Variants in SOS1 observed in about 807,000 individuals in gnomAD.
SOS1 encodes SOS Ras/Rac guanine nucleotide exchange factor 1, also known as son of sevenless homolog 1.
Under a neutral mutation model 157.6 loss-of-function variants are expected in SOS1, and 25 were observed. That is an observed-to-expected ratio of 0.16 (90% CI 0.12 to 0.22). The LOEUF is 0.22. SOS1 is among the 10% of genes least tolerant of loss of function. The probability of loss-of-function intolerance (pLI) is 1.00; values close to 1 mark genes in which losing one functional copy is unlikely to be tolerated. For synonymous variants in SOS1, 528 were observed against 534.0 expected, an observed-to-expected ratio of 0.99 and a Z score of 0.16; for missense variants, 1,237 against 1,599.1, an observed-to-expected ratio of 0.77 and a Z score of 3.86.
intron 1 of SOS1, among the ~76,000 whole-genome samples, chr2:39,077,320 CAAAAA>C (rs11362922): frequency 1.4e-5 from 2 of 138,490 alleles, no homozygotes. Context: ...ACTCCTTCTC[CAAAAA>C]AAAAAAAAAG....
Position 39,105,385 on chromosome 2 carries a change from G to A in SOS1, c.87+14951C>T, listed in dbSNP as rs141600982. 1.3e-3 allele frequency among the ~76,000 whole-genome samples: 204 copies of A among 151,602 alleles called. 1 individual carries two copies. The highest frequency in any genetic ancestry group is 4.5e-3 in the African/African-American group (186 of 41,328). ...AGCTGGTACAGCATCCTAAAGTGCT[G>A]GGATTACAGCTGTGAGGCACCAAGG... is the stretch of plus-strand genomic sequence containing the variant. On this transcript the variant is annotated intron_variant, in intron 1 of 22. Coordinates refer to ENST00000402219, the MANE Select transcript of SOS1 (RefSeq NM_005633.4).
intron 6 of SOS1, among the ~76,000 whole-genome samples, chr2:39,044,864 G>GCGCGCA (rs147443441): frequency 0.016 from 2,394 of 147,720 alleles, 34 homozygotes; most frequent in Non-Finnish European, 0.027. Context: ...GCGCGCGCGC[G>GCGCGCA]CACACACACA....
At chr2:38,986,445 A>G (rs1041080010) in intron 22 of SOS1, 130 bp from the exon 23 acceptor site, 17 of 910,402 alleles carry the variant, frequency 1.9e-5, no homozygotes, top group African/African-American at 1.5e-4. Flanking sequence ...GAGTTTTGCC[A>G]TATGTTTTCT....
chr2:39,123,945 G>A (rs551767007), upstream of SOS1, among the ~76,000 whole-genome samples: 10 of 152,324 alleles, frequency 6.6e-5, no homozygotes, highest in African/African-American at 2.2e-4. Flanking sequence ...AGGAAAACAA[G>A]CCCTAGAAAC....
At chr2:39,094,425 A>C (rs1186878019) in intron 1 of SOS1, among the ~76,000 whole-genome samples, 2 of 152,104 alleles carry the variant, frequency 1.3e-5, no homozygotes, top group Non-Finnish European at 2.9e-5. Flanking sequence ...AGGCAGGTGG[A>C]TCACGAGGTC....
rs897426757 is a variant in SOS1 at position 39,106,198 on chromosome 2, C to T, written c.87+14138G>A. On this transcript the variant is annotated intron_variant, in intron 1 of 22. Transcript: ENST00000402219. ...CTGTGCTACTGTACACACACACACA[C>T]ACACACACACACACAAATCAGCATG... 9.9e-5 allele frequency among the ~76,000 whole-genome samples: 15 copies of T among 151,920 alleles called. No individual in the cohort carries two copies. The East Asian group carries it at 2.9e-3, about 29-fold the overall frequency.
intron 5 of SOS1, among the ~76,000 whole-genome samples, chr2:39,052,486 C>A (rs1671054569): frequency 6.6e-6 from 1 of 152,136 alleles, no homozygotes; most frequent in Admixed American, 6.5e-5. Context: ...GCCTCACTCC[C>A]AGGAAACCTG....
Position 39,120,802 on chromosome 2 carries a change from TG to T in SOS1, c.-381del, listed in dbSNP as rs898389665. Among the ~76,000 whole-genome samples, 1 of 149,190 alleles carries T rather than the reference TG, an allele frequency of 6.7e-6. No individual in the cohort carries two copies. Among genetic ancestry groups the T allele is most frequent in the African/African-American group, 2.5e-5 (1 of 40,724 alleles). ...GCCCGGTCTGGCCCCGCGGCGGAGC[TG>T]GCGGCTGGGGGAGGACGTGTGGAGG... On this transcript the variant is annotated 5_prime_UTR_variant, in exon 1 of 23. Transcript: ENST00000402219.
intron 1 of SOS1, among the ~76,000 whole-genome samples, chr2:39,088,225 A>T (rs951055162): frequency 9.3e-6 from 1 of 107,356 alleles, no homozygotes; most frequent in Admixed American, 9.6e-5. Context: ...TAAACTGAAA[A>T]GCTTTTTTCT....
chr2:39,076,908 G>A (rs944284986), intron 1 of SOS1, among the ~76,000 whole-genome samples: 1 of 152,126 alleles, frequency 6.6e-6, no homozygotes, highest in Non-Finnish European at 1.5e-5. Context: ...TAATAAGTGA[G>A]TTTAGTAAAA....
intron 1 of SOS1, among the ~76,000 whole-genome samples, chr2:39,116,639 G>A (rs1422963210): frequency 6.6e-6 from 1 of 152,192 alleles, no homozygotes; most frequent in African/African-American, 2.4e-5. Context: ...GGAAGCTGAG[G>A]CAGGCAGATG....
At chr2:39,073,597 T>TC (rs1298308770) in intron 1 of SOS1, among the ~76,000 whole-genome samples, 2 of 152,232 alleles carry the variant, frequency 1.3e-5, no homozygotes, top group African/African-American at 4.8e-5. Flanking sequence ...TCTTGACAGT[T>TC]CATTTTGTCT....
chr2:39,061,387 T>C (rs138499794), intron 2 of SOS1, among the ~76,000 whole-genome samples: 1 of 152,196 alleles, frequency 6.6e-6, no homozygotes, highest in African/African-American at 2.4e-5. Context: ...ATTTCTTTAC[T>C]TTTTATTTAT....
rs189566441 is a variant in SOS1, at chr2:39,049,234, A to G, written c.864+1910T>C. Among the ~76,000 whole-genome samples the G allele has an allele frequency of 1.8e-4, 27 of 152,216 alleles. 1 individual carries two copies. In the East Asian group the frequency reaches 2.9e-3, roughly 16 times the overall value. On this transcript the variant is annotated intron_variant, in intron 6 of 22. Coordinates refer to ENST00000402219, the MANE Select transcript of SOS1 (RefSeq NM_005633.4). ...TGCCTGGCTATCCTTATTACTTTCA[A>G]TTGGCCTTTCATATTTCTTATCTTG...
At chr2:39,069,190 C>CAAAAAAAAAAAAAAAAAAA (rs869178369) in intron 1 of SOS1, among the ~76,000 whole-genome samples, 2 of 46,734 alleles carry the variant, frequency 4.3e-5, no homozygotes, top group African/African-American at 1.4e-4. Context: ...TACCAAAAAG[C>CAAAAAAAAAAAAAAAAAAA]AAAAAAAAAA....
At chr2:39,026,157 C>G (rs961025654) in intron 8 of SOS1, among the ~76,000 whole-genome samples, 2 of 151,844 alleles carry the variant, frequency 1.3e-5, no homozygotes, top group Non-Finnish European at 2.9e-5. Context: ...GAGTTTGAGA[C>G]CAGCCTGGCC....
chr2:39,108,891 TC>T (rs988039316), intron 1 of SOS1, among the ~76,000 whole-genome samples: 9 of 144,378 alleles, frequency 6.2e-5, no homozygotes, highest in African/African-American at 2.5e-4. Context: ...AGACCTGGTG[TC>T]TTTAAAAAAA....
chr2:39,074,762 G>A (rs533366568), intron 1 of SOS1, among the ~76,000 whole-genome samples: 214 of 152,058 alleles, frequency 1.4e-3, no homozygotes, highest in Non-Finnish European at 2.4e-3. Context: ...AGCTACTTGG[G>A]AGGCTAAGGC....
At chr2:38,988,036 G>A (rs750419490) in intron 21 of SOS1, among the ~76,000 whole-genome samples, 6 of 150,940 alleles carry the variant, frequency 4.0e-5, no homozygotes, top group Non-Finnish European at 7.4e-5. Flanking sequence ...TAGAGTGTGT[G>A]CTCTTAACCA....
Sources: allele counts gnomAD v4.1 joint callset (sites outside exome capture counted in the v4.1 genomes callset), GRCh38; gene constraint gnomAD v4.1.1; transcripts MANE v1.5; gene names NCBI Gene and HGNC (gene_info 2026-07-23, HGNC 2026-07-21).